The following ATP1A4 variants were observed in gnomAD, a reference collection of about 807,000 sequenced individuals.
The protein encoded by ATP1A4 is sodium/potassium-transporting ATPase subunit alpha-4.
Under a neutral mutation model 114.3 loss-of-function variants are expected in ATP1A4, and 90 were observed. The observed-to-expected ratio is 0.79, with a 90% CI of 0.66 to 0.94. The LOEUF (loss-of-function observed/expected upper bound fraction) is 0.94. ATP1A4 is among the 40% of genes least tolerant of loss of function. The pLI is 0.00. For synonymous variants in ATP1A4, 511 were observed against 494.1 expected (o/e 1.03, Z -0.45); for missense variants, 1,222 against 1,313.6 (o/e 0.93, Z 1.08).
Position 160,171,352 on chromosome 1 carries a change from T to A in ATP1A4, c.1593T>A (p.Asn531Lys). The part of the protein sequence containing the change: ...ILEFCSTFLL[N>K]GQEYSMNDEM... ...AGTTTTGTTCTACCTTTCTTCTGAA[T>A]GGGCAGGAGTACTCAATGAACGATG... The change falls in exon 11 of 22, where the codon AAT becomes AAA. Residue 531 changes from asparagine to lysine, a missense_variant. By Grantham distance (94) the Asn-to-Lys change is moderately conservative. Transcript: ENST00000368081. 2 of 1,614,142 alleles carry A rather than the reference T, an allele frequency of 1.2e-6. No individual in the cohort carries two copies. The highest frequency in any genetic ancestry group is 1.7e-6 in the Non-Finnish European group (2 of 1,180,018).
chr1:160,175,198 G>A (rs954523275), intron 15 of ATP1A4, among the ~76,000 whole-genome samples: 22 of 152,124 alleles, frequency 1.4e-4, no homozygotes, highest in Admixed American at 1.2e-3. Context: ...GACTGCATGA[G>A]CCCAATTACA....
chr1:160,184,600 T>G (rs1653818388), intron 20 of ATP1A4, among the ~76,000 whole-genome samples: 1 of 152,330 alleles, frequency 6.6e-6, no homozygotes, highest in East Asian at 1.9e-4. Flanking sequence ...TGATTACATA[T>G]TTAACTGATA....
intron 6 of ATP1A4, among the ~76,000 whole-genome samples, chr1:160,163,625 C>T (rs1652933757): frequency 6.6e-6 from 1 of 152,090 alleles, no homozygotes; most frequent in African/African-American, 2.4e-5. Flanking sequence ...CCAGGGTGCC[C>T]TCCAGTAACC....
intron 18 of ATP1A4, 142 bp from the exon 19 acceptor site, chr1:160,181,542 C>T (rs891288072): frequency 3.1e-4 from 286 of 925,768 alleles, no homozygotes; most frequent in African/African-American, 6.2e-4. Context: ...GCAACAAGAG[C>T]GAGACTTAGT....
chr1:160,177,670 T>A lies in ATP1A4; in HGVS notation c.2736+6T>A. Reference sequence around the variant, plus strand: ...ACAGCTACGGACAGCAGTGGGTGAGTAGAAGGGATAAGGTAGGAGCTGAGA... The same window carrying A: ...ACAGCTACGGACAGCAGTGGGTGAGAAGAAGGGATAAGGTAGGAGCTGAGA... On this transcript the variant is annotated splice_donor_region_variant and intron_variant, in intron 18 of 21. Coordinates refer to ENST00000368081, the MANE Select transcript of ATP1A4 (RefSeq NM_144699.4). 6.2e-7 allele frequency: 1 copy of A among 1,613,834 alleles called. No homozygotes were observed. The highest frequency in any genetic ancestry group is 8.5e-7 in the Non-Finnish European group (1 of 1,179,946).
Position 160,159,084 on chromosome 1 carries a change from G to A in ATP1A4, c.608G>A (p.Gly203Asp). ...TTGGGAGACCTGGTGGAAATCAAGGGTGGAGACCGAGTCCCTGCTGACCTC... is the reference window on the plus strand; with the variant it reads ...TTGGGAGACCTGGTGGAAATCAAGGATGGAGACCGAGTCCCTGCTGACCTC... The part of the protein sequence containing the change: ...VVLGDLVEIK[G>D]GDRVPADLRL... Residue 203 changes from glycine (G) to aspartate (D), a missense_variant, in exon 5 of 22, where the codon GGT becomes GAT. Physicochemically the swap from Gly to Asp is moderately conservative, Grantham distance 94. Transcript: ENST00000368081. 5.0e-6 allele frequency: 8 copies of A among 1,614,128 alleles called. No homozygotes were observed. Among genetic ancestry groups the A allele is most frequent in the Non-Finnish European group, 6.8e-6 (8 of 1,179,996 alleles).
At chr1:160,166,864 A>G (rs1653059061) in intron 8 of ATP1A4, 104 bp from the exon 9 acceptor site, 2 of 1,499,094 alleles carry the variant, frequency 1.3e-6, no homozygotes, top group Non-Finnish European at 1.8e-6. Context: ...GAAGGAAAAG[A>G]AATGCTGCTC....
At chr1:160,167,530 A>G (rs954278367) in intron 10 of ATP1A4, 118 bp downstream of exon 10, 3 of 1,360,862 alleles carry the variant, frequency 2.2e-6, no homozygotes, top group South Asian at 2.6e-5. Context: ...GCTCAGCAGA[A>G]CCTGCATCCC....
chr1:160,166,577 T>A lies in ATP1A4; in HGVS notation c.1097T>A (p.Val366Glu). The A allele has an allele frequency of 6.2e-7, 1 of 1,614,196 alleles. No homozygotes were observed. The highest frequency in any genetic ancestry group is 8.5e-7 in the Non-Finnish European group (1 of 1,180,030). Residue 366 changes from valine to glutamate, a missense_variant, in exon 8 of 22, where the codon GTG becomes GAG. Transcript: ENST00000368081. ...CGCATGGCGCGGAAGAACTGCCTGG[T>A]GAAGAACCTGGAGGCGGTGGAGACG... is the stretch of plus-strand genomic sequence containing the variant. ...AKRMARKNCL[V>E]KNLEAVETLG...
In ATP1A4 at chr1:160,151,910, C is replaced by A; in HGVS notation, c.-131C>A. The stretch of plus-strand genomic sequence containing the variant: ...CTCCCTCCCTGCCTCTTTCTTTCTG[C>A]TCCCTCATTCTCTCCCCACCACTCT... On this transcript the variant is annotated 5_prime_UTR_variant, in exon 1 of 22. Coordinates refer to ENST00000368081, the MANE Select transcript of ATP1A4 (RefSeq NM_144699.4). 2.0e-6 allele frequency: 2 copies of A among 1,022,554 alleles called. No homozygotes were observed. Among genetic ancestry groups the A allele is most frequent in the Non-Finnish European group, 2.8e-6 (2 of 721,484 alleles). The allele number at this position is 1,022,554 out of a possible 1,614,324, so 63.3% of individuals were successfully genotyped here.
chr1:160,166,262 C>G (rs1490168889), intron 7 of ATP1A4, among the ~76,000 whole-genome samples: 2 of 152,170 alleles, frequency 1.3e-5, no homozygotes, highest in Non-Finnish European at 2.9e-5. Context: ...CAGAGTGAGA[C>G]TCTGTCTCAA....
At chr1:160,176,046 C>T (rs760104601) in intron 15 of ATP1A4, 46 bp from the exon 16 acceptor site, 36 of 1,606,344 alleles carry the variant, frequency 2.2e-5, no homozygotes, top group Non-Finnish European at 2.7e-5. Flanking sequence ...TTGAGGGAGG[C>T]GTGTTCTCCC....
chr1:160,166,719 A>G lies in ATP1A4; in HGVS notation c.1239A>G (p.Glu413=), dbSNP rs1558021297. The G allele has an allele frequency of 1.3e-5, 21 of 1,614,200 alleles. No individual in the cohort carries two copies. The highest frequency in any genetic ancestry group is 1.8e-5 in the Non-Finnish European group (21 of 1,180,036). Residue 413 remains glutamate, a synonymous_variant, in exon 8 of 22, where the codon GAA becomes GAG. Transcript: ENST00000368081. ...TGTATGAGGCCGACACCACTGAAGA[A>G]CAGACTGGTGACTAGTGGTATTGGT... The part of the protein sequence containing the change: ...MTVYEADTTE[E]QTGKTFTKSS...
intron 10 of ATP1A4, among the ~76,000 whole-genome samples, chr1:160,168,996 G>A (rs1352009981): frequency 6.6e-6 from 1 of 151,306 alleles, no homozygotes; most frequent in East Asian, 1.9e-4. Context: ...ATTTGTTGGG[G>A]CATCCAACAA....
At chr1:160,177,724 G>C in intron 18 of ATP1A4, 60 bp downstream of exon 18, 1 of 1,583,182 alleles carries the variant, frequency 6.3e-7, no homozygotes, top group Non-Finnish European at 8.6e-7. Flanking sequence ...ACAGGGGAGA[G>C]TGAGTGCAGC....
chr1:160,153,733 A>T (rs545012462), intron 2 of ATP1A4, among the ~76,000 whole-genome samples: 1 of 152,346 alleles, frequency 6.6e-6, no homozygotes, highest in South Asian at 2.1e-4. Context: ...TTGCTTTTTA[A>T]TAGAAGATAG....
At position 160,176,070 on chromosome 1, in the gene ATP1A4, G is replaced by A. The variant is rs745724756; in HGVS notation, c.2312-22G>A. The A allele has an allele frequency of 2.5e-6, 4 of 1,613,860 alleles. No homozygotes were observed. In the South Asian group the frequency reaches 4.4e-5, roughly 18 times the overall value. On this transcript the variant is annotated intron_variant, in intron 15 of 21. Transcript: ENST00000368081. ...GCGTGTTCTCCCAGGGCTTCTCACA[G>A]GAGGTTGACCTTCCTCCCCAGGCCG...
chr1:160,152,915 TC>T (rs901581993), intron 1 of ATP1A4, among the ~76,000 whole-genome samples: 1 of 151,986 alleles, frequency 6.6e-6, no homozygotes, highest in Non-Finnish European at 1.5e-5. Context: ...GCCCCTGTAA[TC>T]CCAGCTGCTT....
intron 20 of ATP1A4, among the ~76,000 whole-genome samples, chr1:160,185,133 G>A (rs1232899549): frequency 6.8e-6 from 1 of 146,300 alleles, no homozygotes; most frequent in Non-Finnish European, 1.5e-5. Flanking sequence ...TCCCGACGAA[G>A]TCTTGGTCTC....
Sources: gnomAD v4.1 joint callset for allele counts (sites outside exome capture counted in the v4.1 genomes callset) on GRCh38, gnomAD v4.1.1 for gene constraint, MANE v1.5 for transcripts, NCBI Gene and HGNC (gene_info 2026-07-23, HGNC 2026-07-21) for gene names.